Variants in EXOC6B observed in about 807,000 individuals in gnomAD.
The protein encoded by EXOC6B is SEC15 homolog B.
A neutral mutation model predicts 113.5 loss-of-function variants in EXOC6B; 54 were observed. The ratio of observed to expected loss-of-function variants is 0.48; its 90% CI spans 0.38 to 0.60. The LOEUF is 0.60. Ranked by LOEUF, EXOC6B falls within the 20% of genes least tolerant of loss-of-function variation. The pLI, the probability that EXOC6B is intolerant of heterozygous loss-of-function variation, is 0.00. For synonymous variants in EXOC6B, 357 were observed against 339.0 expected (o/e 1.05, Z -0.58); for missense variants, 797 against 977.5 (o/e 0.82, Z 2.46).
At chr2:72,515,175 CTT>C in intron 8 of EXOC6B, 49 bp from the exon 9 acceptor site, 2 of 1,499,340 alleles carry the variant, frequency 1.3e-6, no homozygotes, top group South Asian at 2.4e-5. Context: ...ACCAATTACT[CTT>C]TTATTTCAAG....
intron 20 of EXOC6B, among the ~76,000 whole-genome samples, chr2:72,321,528 C>A (rs1384651120): frequency 7.9e-6 from 1 of 126,044 alleles, no homozygotes; most frequent in Non-Finnish European, 1.6e-5. Flanking sequence ...AGAGAGACTC[C>A]GTCTCAAAAA....
intron 20 of EXOC6B, among the ~76,000 whole-genome samples, chr2:72,276,831 A>G (rs899446538): frequency 6.6e-6 from 1 of 152,196 alleles, no homozygotes; most frequent in African/African-American, 2.4e-5. Flanking sequence ...TCTTGAAACA[A>G]TTATGAGTAG....
intron 20 of EXOC6B, among the ~76,000 whole-genome samples, chr2:72,301,058 GTTTAAT>G (rs1230895288): frequency 6.6e-6 from 1 of 152,048 alleles, no homozygotes; most frequent in East Asian, 1.9e-4. Context: ...ATGAAGGAGT[GTTTAAT>G]TTTATCAAAA....
At chr2:72,568,528 CAT>C (rs1704327773) in intron 7 of EXOC6B, among the ~76,000 whole-genome samples, 1 of 151,872 alleles carries the variant, frequency 6.6e-6, no homozygotes, top group African/African-American at 2.4e-5. Context: ...AGAAAAGAAA[CAT>C]ACACATACAC....
Position 72,755,419 on chromosome 2 carries a change from T to C in EXOC6B, c.114-13950A>G, listed in dbSNP as rs1315937096. On this transcript the variant is annotated intron_variant, in intron 1 of 21. Transcript: ENST00000272427. ...TAAGACCATGAGTTCCTTGAGAGTT[T>C]ACACCTGGAACAATGGCTGTATCCC... 3.3e-5 allele frequency among the ~76,000 whole-genome samples: 5 copies of C among 152,140 alleles called. No homozygotes were observed. The South Asian group carries it at 8.3e-4, about 25-fold the overall frequency.
intron 20 of EXOC6B, among the ~76,000 whole-genome samples, chr2:72,238,303 T>G (rs192986622): frequency 6.6e-6 from 1 of 152,250 alleles, no homozygotes; most frequent in Non-Finnish European, 1.5e-5. Context: ...TTTCCATTAA[T>G]CAGTTCATGG....
intron 6 of EXOC6B, among the ~76,000 whole-genome samples, chr2:72,712,872 C>T (rs1679360852): frequency 6.6e-6 from 1 of 151,898 alleles, no homozygotes; most frequent in Non-Finnish European, 1.5e-5. Context: ...ATCTAAAGAC[C>T]TTTAGATTTT....
At chr2:72,654,115 G>A (rs983474124) in intron 6 of EXOC6B, among the ~76,000 whole-genome samples, 8 of 151,940 alleles carry the variant, frequency 5.3e-5, no homozygotes, top group African/African-American at 1.9e-4. Context: ...GACTATAGGC[G>A]CCCACCATCG....
At position 72,179,235 on chromosome 2, in the gene EXOC6B, T is replaced by C. The variant is rs1677930224; in HGVS notation, c.*100A>G. On this transcript the variant is annotated 3_prime_UTR_variant, in exon 22 of 22. Coordinates refer to ENST00000272427, the MANE Select transcript of EXOC6B (RefSeq NM_015189.3). ...GGTTAATAAAAAAATACATATGCTC[T>C]CTTTGAAGAAGAATGCACAAATGCA... The C allele has an allele frequency of 7.5e-7, 1 of 1,337,876 alleles. No individual in the cohort carries two copies. The highest frequency in any genetic ancestry group is 1.5e-5 in the African/African-American group (1 of 67,502). The allele number at this position is 1,337,876 out of a possible 1,614,324, so 82.9% of individuals were successfully genotyped here. A position where few individuals can be genotyped will look rare whatever the true frequency, so the allele number is the denominator to read the frequency against.
intron 20 of EXOC6B, among the ~76,000 whole-genome samples, chr2:72,255,897 AC>A (rs1278623621): frequency 1.2e-4 from 18 of 152,198 alleles, no homozygotes; most frequent in Admixed American, 1.2e-3. Context: ...CAGAGGATAA[AC>A]TACATTTGGT....
chr2:72,292,207 G>T (rs990768470), intron 20 of EXOC6B, among the ~76,000 whole-genome samples: 1 of 144,828 alleles, frequency 6.9e-6, no homozygotes, highest in Non-Finnish European at 1.5e-5. Context: ...GTGTGTGTGT[G>T]TGTGTACCTT....
At chr2:72,610,691 C>G (rs1389546306) in intron 6 of EXOC6B, among the ~76,000 whole-genome samples, 1 of 152,102 alleles carries the variant, frequency 6.6e-6, no homozygotes, top group Non-Finnish European at 1.5e-5. Flanking sequence ...AGAGAAGAGA[C>G]AAATCTTCCT....
chr2:72,307,924 T>C (rs532619090), intron 20 of EXOC6B, among the ~76,000 whole-genome samples: 3 of 152,212 alleles, frequency 2.0e-5, no homozygotes, highest in Non-Finnish European at 4.4e-5. Flanking sequence ...TAATAAAATC[T>C]GTATCAGACA....
intron 18 of EXOC6B, among the ~76,000 whole-genome samples, chr2:72,449,728 T>C (rs1399037105): frequency 6.6e-6 from 1 of 152,176 alleles, no homozygotes; most frequent in Non-Finnish European, 1.5e-5. Context: ...CTTTAAACAT[T>C]ATACTAAACA....
intron 6 of EXOC6B, among the ~76,000 whole-genome samples, chr2:72,645,338 A>C (rs1023373289): frequency 6.6e-6 from 1 of 152,116 alleles, no homozygotes; most frequent in Non-Finnish European, 1.5e-5. Context: ...CACAATAATA[A>C]TGGGAGACTT....
At chr2:72,332,224 A>G (rs1223345474) in intron 20 of EXOC6B, among the ~76,000 whole-genome samples, 1 of 152,094 alleles carries the variant, frequency 6.6e-6, no homozygotes, top group African/African-American at 2.4e-5. Flanking sequence ...TATTAAGGAC[A>G]TAATGATTAA....
At chr2:72,576,502 AG>A (rs1260735822) in intron 6 of EXOC6B, among the ~76,000 whole-genome samples, 2 of 152,154 alleles carry the variant, frequency 1.3e-5, no homozygotes, top group Non-Finnish European at 2.9e-5. Context: ...TAGAAAACAA[AG>A]GATTTGCTTG....
chr2:72,573,344 GAGTT>G (rs1440956841), intron 7 of EXOC6B, among the ~76,000 whole-genome samples: 1 of 152,150 alleles, frequency 6.6e-6, no homozygotes, highest in East Asian at 1.9e-4. Flanking sequence ...TAGATTAAAG[GAGTT>G]AGTTGGTCCT....
Position 72,582,507 on chromosome 2 carries a change from T to C in EXOC6B, c.670-6839A>G, listed in dbSNP as rs890274326. ...ACTCTAGCCTGGGTGATAAAGTGAG[T>C]CCTTGTCTCCAAAATAGAAAAGAAG... On this transcript the variant is annotated intron_variant, in intron 6 of 21. Transcript: ENST00000272427. 2.0e-5 allele frequency among the ~76,000 whole-genome samples: 3 copies of C among 151,124 alleles called. No individual in the cohort carries two copies. The South Asian group carries it at 6.4e-4, about 32-fold the overall frequency.
Sources: gnomAD v4.1 joint callset for allele counts (sites outside exome capture counted in the v4.1 genomes callset) on GRCh38, gnomAD v4.1.1 for gene constraint, MANE v1.5 for transcripts, NCBI Gene and HGNC (gene_info 2026-07-23, HGNC 2026-07-21) for gene names.